The following SNTG1 variants were observed in gnomAD, a reference collection of about 807,000 sequenced individuals.
SNTG1 encodes the protein gamma-1-syntrophin.
In SNTG1, 39 loss-of-function variants were observed where a neutral mutation model predicts 74.7. The ratio of observed to expected loss-of-function variants is 0.52; its 90% confidence interval spans 0.40 to 0.68. SNTG1 has a LOEUF of 0.68. Among genes scored for constraint, SNTG1 ranks in the 30% least tolerant of loss-of-function variants. SNTG1 has a pLI of 0.00. For missense variants in SNTG1, 685 were observed against 609.5 expected, an observed-to-expected ratio of 1.12 and a Z score of -1.30; for synonymous variants, 254 against 217.1, an observed-to-expected ratio of 1.17 and a Z score of -1.49.
intron 12 of SNTG1, among the ~76,000 whole-genome samples, chr8:50,577,156 C>T (rs1179562824): frequency 6.6e-6 from 1 of 152,048 alleles, no homozygotes; most frequent in African/African-American, 2.4e-5. Context: ...CCTTCTATTT[C>T]TAGTATGTGG....
intron 1 of SNTG1, among the ~76,000 whole-genome samples, chr8:49,914,362 A>T (rs947335642): frequency 2.8e-4 from 6 of 21,200 alleles, no homozygotes; most frequent in African/African-American, 3.8e-4. Context: ...TTTCCCCATT[A>T]AAAAAAAAAA....
intron 12 of SNTG1, among the ~76,000 whole-genome samples, chr8:50,556,742 C>T (rs982117116): frequency 1.3e-5 from 2 of 152,130 alleles, no homozygotes; most frequent in African/African-American, 2.4e-5. Flanking sequence ...GATGCACCTC[C>T]GTGATGTTCA....
At chr8:50,744,714 G>A (rs1485040161) in intron 17 of SNTG1, among the ~76,000 whole-genome samples, 1 of 151,892 alleles carries the variant, frequency 6.6e-6, no homozygotes, top group African/African-American at 2.4e-5. Flanking sequence ...TAAAAACATG[G>A]AATAGAATAG....
chr8:50,445,089 C>T (rs1201423799), intron 5 of SNTG1, among the ~76,000 whole-genome samples: 1 of 152,172 alleles, frequency 6.6e-6, no homozygotes, highest in Non-Finnish European at 1.5e-5. Context: ...GAGCAATGAC[C>T]ATTTCCCTAT....
At chr8:50,141,207 A>G (rs931896245) in intron 1 of SNTG1, among the ~76,000 whole-genome samples, 7 of 152,210 alleles carry the variant, frequency 4.6e-5, no homozygotes, top group African/African-American at 7.2e-5. Context: ...ATATATGGGA[A>G]TAGGATTGCC....
chr8:50,590,144 A>G (rs2094682458), intron 12 of SNTG1, among the ~76,000 whole-genome samples: 2 of 152,274 alleles, frequency 1.3e-5, no homozygotes, highest in South Asian at 4.1e-4. Context: ...TATAAATGAA[A>G]ATAGTCTGCA....
intron 17 of SNTG1, among the ~76,000 whole-genome samples, chr8:50,721,594 T>A (rs1305718667): frequency 6.6e-6 from 1 of 152,224 alleles, no homozygotes; most frequent in Admixed American, 6.5e-5. Flanking sequence ...AATAAGAGTT[T>A]ATTTATAATC....
At chr8:50,008,032 C>A (rs1369910208) in intron 1 of SNTG1, among the ~76,000 whole-genome samples, 1 of 151,968 alleles carries the variant, frequency 6.6e-6, no homozygotes, top group Non-Finnish European at 1.5e-5. Flanking sequence ...CCCCATGATC[C>A]AATCACCCCC....
At chr8:50,323,452 C>A (rs1255473708) in intron 2 of SNTG1, among the ~76,000 whole-genome samples, 1 of 152,158 alleles carries the variant, frequency 6.6e-6, no homozygotes, top group African/African-American at 2.4e-5. Context: ...TTATTATAGT[C>A]TTCTCAGATT....
chr8:50,547,060 G>A lies in SNTG1; in HGVS notation c.681-5990G>A, dbSNP rs188321820. 5.4e-3 allele frequency among the ~76,000 whole-genome samples: 827 copies of A among 152,270 alleles called. 10 individuals are homozygous for A. The highest frequency in any genetic ancestry group is 0.018 in the African/African-American group (761 of 41,560). Reference sequence around the variant, plus strand: ...GGTATCCCAAAGTTCTGGGATTACAGGCATGAGCCACCATGCCCGGCAGAG... The same window carrying A: ...GGTATCCCAAAGTTCTGGGATTACAAGCATGAGCCACCATGCCCGGCAGAG... On this transcript the variant is annotated intron_variant, in intron 11 of 18. Coordinates refer to ENST00000642720, the MANE Select transcript of SNTG1 (RefSeq NM_018967.5).
intron 11 of SNTG1, among the ~76,000 whole-genome samples, chr8:50,540,454 A>T (rs945025734): frequency 6.6e-6 from 1 of 152,184 alleles, no homozygotes; most frequent in Non-Finnish European, 1.5e-5. Context: ...GTATTTATAA[A>T]GGATGAGTAT....
chr8:50,789,570 T>G (rs781776878), intron 18 of SNTG1, among the ~76,000 whole-genome samples: 1 of 152,052 alleles, frequency 6.6e-6, no homozygotes, highest in Non-Finnish European at 1.5e-5. Context: ...AGATGTAACA[T>G]GCCCAAAACC....
intron 8 of SNTG1, among the ~76,000 whole-genome samples, chr8:50,495,615 T>C (rs957699345): frequency 6.6e-6 from 1 of 152,244 alleles, no homozygotes; most frequent in African/African-American, 2.4e-5. Context: ...TTTCTGCTGC[T>C]ACACTTGATT....
chr8:50,777,233 A>ATG (rs1390579063), intron 18 of SNTG1, among the ~76,000 whole-genome samples: 1 of 147,366 alleles, frequency 6.8e-6, no homozygotes, highest in Non-Finnish European at 1.5e-5. Context: ...ATATATATAT[A>ATG]TAATAATATA....
At chr8:50,077,943 A>C (rs1298492269) in intron 1 of SNTG1, among the ~76,000 whole-genome samples, 3 of 152,138 alleles carry the variant, frequency 2.0e-5, no homozygotes, top group African/African-American at 4.8e-5. Context: ...ATAATGGCCT[A>C]AATGTGTGAT....
intron 17 of SNTG1, among the ~76,000 whole-genome samples, chr8:50,742,790 G>A (rs2095546419): frequency 6.6e-6 from 1 of 151,790 alleles, no homozygotes; most frequent in African/African-American, 2.4e-5. Flanking sequence ...TCTTTAGCCT[G>A]ATTGTCTCAA....
chr8:50,151,114 T>G (rs2082053418), intron 1 of SNTG1, among the ~76,000 whole-genome samples: 1 of 152,192 alleles, frequency 6.6e-6, no homozygotes, highest in South Asian at 2.1e-4. Context: ...ATTCAGGGAT[T>G]CAACTTCTTC....
intron 2 of SNTG1, among the ~76,000 whole-genome samples, chr8:50,235,909 T>C (rs1271567227): frequency 6.6e-6 from 1 of 152,188 alleles, no homozygotes; most frequent in African/African-American, 2.4e-5. Context: ...TTTCTAGCAT[T>C]ATTTAAATTT....
chr8:50,541,277 G>GTGTGTT (rs879662076), intron 11 of SNTG1, among the ~76,000 whole-genome samples: 1 of 150,582 alleles, frequency 6.6e-6, no homozygotes, highest in Non-Finnish European at 1.5e-5. Context: ...GTGTGTGTGT[G>GTGTGTT]CATGTTTATT....
Sources: allele counts gnomAD v4.1 joint callset (sites outside exome capture counted in the v4.1 genomes callset), GRCh38; gene constraint gnomAD v4.1.1; transcripts MANE v1.5; gene names NCBI Gene and HGNC (gene_info 2026-07-23, HGNC 2026-07-21).